Variants in DIPK1C observed in about 807,000 individuals in gnomAD.
DIPK1C encodes the protein divergent protein kinase domain 1C, also known as familial non-conventional Alzheimer's dementia.
A neutral mutation model predicts 28.0 loss-of-function variants in DIPK1C; 33 were observed. The observed-to-expected ratio is 1.18, with a 90% confidence interval of 0.89 to 1.58. The LOEUF is 1.58. DIPK1C is among the 40% of genes most tolerant of loss of function. The probability of loss-of-function intolerance (pLI) is 0.00; values close to 1 mark genes in which losing one functional copy is unlikely to be tolerated. For synonymous variants in DIPK1C, 255 were observed against 248.8 expected (o/e 1.02, Z -0.23); for missense variants, 569 against 568.5 (o/e 1.00, Z -0.01).
chr18:74,448,119 C>T (rs982818397), intron 1 of DIPK1C, among the ~76,000 whole-genome samples: 5 of 152,124 alleles, frequency 3.3e-5, no homozygotes, highest in Admixed American at 6.5e-5. Context: ...CCGTCCAGCC[C>T]GATAATCCTG....
intron 3 of DIPK1C, among the ~76,000 whole-genome samples, chr18:74,439,114 TTG>T (rs908604005): frequency 2.4e-5 from 3 of 125,306 alleles, no homozygotes; most frequent in African/African-American, 5.4e-5. Context: ...TTTTTGTTTT[TTG>T]TTTTTTTTTT....
Position 74,446,963 on chromosome 18 carries a change from C to G in DIPK1C, c.519G>C (p.Pro173=). The G allele has an allele frequency of 6.6e-7, 1 of 1,508,038 alleles. No homozygotes were observed. The highest frequency in any genetic ancestry group is 1.3e-5 in the South Asian group (1 of 77,822). The allele number at this position is 1,508,038 out of a possible 1,614,324, so 93.4% of individuals were successfully genotyped here. A position where few individuals can be genotyped will look rare whatever the true frequency, so the allele number is the denominator to read the frequency against. The part of the protein sequence containing the change: ...LSNSSLGPWW[P]GRRGPRWRGQ... ...CCCGCCAGCGTGGGCCCCGCCTGCC[C>G]GGCCACCACGGCCCCAGGCTGCTGT... Residue 173 remains proline, a synonymous_variant, in exon 2 of 4, where the codon CCG becomes CCC. Transcript: ENST00000343998.
chr18:74,449,138 C>T (rs7241762), intron 1 of DIPK1C, among the ~76,000 whole-genome samples: 59,393 of 151,920 alleles, frequency 0.39, 12,124 homozygotes, highest in Non-Finnish European at 0.46. Flanking sequence ...CAAAAAGCCT[C>T]TGAAAACTAC....
rs1286148600 is a variant in DIPK1C, at chr18:74,435,274, AG to A, written c.*1226del. The A allele has an allele frequency of 6.6e-6, 1 of 152,224 alleles. No individual in the cohort carries two copies. Among genetic ancestry groups the A allele is most frequent in the Non-Finnish European group, 1.5e-5 (1 of 68,034 alleles). The allele number at this position is 152,224 out of a possible 1,614,324, so 9.4% of individuals were successfully genotyped here. A position where few individuals can be genotyped will look rare whatever the true frequency, so the allele number is the denominator to read the frequency against. ...TTCCCTTTTCATGGGATTTCTGAAA[AG>A]GGGTGACCCGTTGGTTTGTTGAGCA... On this transcript the variant is annotated 3_prime_UTR_variant, in exon 4 of 4. Coordinates refer to ENST00000343998, the MANE Select transcript of DIPK1C (RefSeq NM_001044369.3).
intron 2 of DIPK1C, 122 bp downstream of exon 2, chr18:74,446,484 G>T: frequency 1.0e-6 from 1 of 955,130 alleles, no homozygotes; most frequent in Non-Finnish European, 1.4e-6. Context: ...GTTCTCTAAG[G>T]CTGCAGAAGC....
chr18:74,437,290 CA>C (rs1265484991), intron 3 of DIPK1C, among the ~76,000 whole-genome samples: 5 of 152,192 alleles, frequency 3.3e-5, no homozygotes, highest in African/African-American at 1.2e-4. Flanking sequence ...GCATATTTGA[CA>C]GAAAAGACTG....
chr18:74,437,159 G>A (rs1482087117), intron 3 of DIPK1C, among the ~76,000 whole-genome samples: 1 of 152,156 alleles, frequency 6.6e-6, no homozygotes. Flanking sequence ...TCCACAAGCT[G>A]GTCCTAGTGA....
the DIPK1C span, among the ~76,000 whole-genome samples, chr18:74,463,591 C>A: frequency 6.6e-6 from 1 of 152,112 alleles, no homozygotes; most frequent in African/African-American, 2.4e-5. Flanking sequence ...CCCTCACCCC[C>A]ACGTACCCGG....
At chr18:74,458,603 G>GGGGTTTGGGTGTCACTCAATCCACAGCA (rs1986568803), upstream of DIPK1C, among the ~76,000 whole-genome samples, 2 of 132,548 alleles carry the variant, frequency 1.5e-5, no homozygotes, top group South Asian at 2.7e-4. Context: ...ACAGACCCTT[G>GGGGTTTGGGTGTCACTCAATCCACAGCA]GGGTTTGGGT....
At position 74,447,935 on chromosome 18, in the gene DIPK1C, G is replaced by A. The variant is rs905324310; in HGVS notation, c.199-652C>T. 1.3e-5 allele frequency among the ~76,000 whole-genome samples: 2 copies of A among 152,208 alleles called. No individual in the cohort carries two copies. Among genetic ancestry groups the A allele is most frequent in the African/African-American group, 4.8e-5 (2 of 41,460 alleles). On this transcript the variant is annotated intron_variant, in intron 1 of 3. Coordinates refer to ENST00000343998, the MANE Select transcript of DIPK1C (RefSeq NM_001044369.3). This position sits in a 1 kb window ranked among gnomAD's most constrained non-coding sequence, Gnocchi z 4.1. ...TGACCTGGAGAAGAGGAGGGACCAA[G>A]GAGGACCCATGCAGGATAAAAGAGT...
the DIPK1C span, among the ~76,000 whole-genome samples, chr18:74,464,475 C>T: frequency 1.3e-5 from 2 of 152,248 alleles, no homozygotes; most frequent in Admixed American, 1.3e-4. Flanking sequence ...TCAACATCTC[C>T]CACCAGAGTG....
Position 74,446,955 on chromosome 18 carries a change from C to A in DIPK1C, c.527G>T (p.Arg176Leu), listed in dbSNP as rs887556442. Residue 176 changes from arginine to leucine, a missense_variant, in exon 2 of 4, where the codon CGG (arginine) becomes CTG (leucine). Physicochemically the swap from Arg to Leu is moderately radical, Grantham distance 102. Transcript: ENST00000343998. ...CAGCTGTCCCCGCCAGCGTGGGCCC[C>A]GCCTGCCCGGCCACCACGGCCCCAG... ...SSLGPWWPGR[R>L]GPRWRGQLAS... 2 of 1,506,508 alleles carry A rather than the reference C, an allele frequency of 1.3e-6. No individual in the cohort carries two copies. Among genetic ancestry groups the A allele is most frequent in the Admixed American group, 4.3e-5 (2 of 47,012 alleles). The allele number at this position is 1,506,508 out of a possible 1,614,324, so 93.3% of individuals were successfully genotyped here. A position where few individuals can be genotyped will look rare whatever the true frequency, so the allele number is the denominator to read the frequency against.
intron 1 of DIPK1C, among the ~76,000 whole-genome samples, chr18:74,452,292 T>A (rs1986415932): frequency 6.6e-6 from 1 of 152,152 alleles, no homozygotes; most frequent in African/African-American, 2.4e-5. Context: ...ACTCTTCTTA[T>A]GTAGAGTGCA....
At chr18:74,452,675 G>C (rs921516899) in intron 1 of DIPK1C, among the ~76,000 whole-genome samples, 5 of 152,112 alleles carry the variant, frequency 3.3e-5, no homozygotes, top group Non-Finnish European at 7.4e-5. Flanking sequence ...TTGAGGCTGG[G>C]AGGTAGAGGC....
chr18:74,462,660 T>C (rs1367324308), upstream of DIPK1C, among the ~76,000 whole-genome samples: 1 of 150,798 alleles, frequency 6.6e-6, no homozygotes, highest in East Asian at 1.9e-4. Flanking sequence ...ACATATATGT[T>C]TTGCTTAAAA....
chr18:74,446,303 G>C (rs1210889779), intron 2 of DIPK1C, among the ~76,000 whole-genome samples: 1 of 152,194 alleles, frequency 6.6e-6, no homozygotes, highest in African/African-American at 2.4e-5. Flanking sequence ...TTGCTGTTAC[G>C]TGAGCTCAAA....
intron 1 of DIPK1C, among the ~76,000 whole-genome samples, chr18:74,450,302 TTA>T (rs1986370790): frequency 6.6e-6 from 1 of 152,352 alleles, no homozygotes; most frequent in African/African-American, 2.4e-5. Flanking sequence ...CCATAAAATT[TTA>T]TAGTGTTATC....
At position 74,457,148 on chromosome 18, in the gene DIPK1C, C is replaced by A. The variant is rs1461694393; in HGVS notation, c.112G>T (p.Ala38Ser). 3.9e-5 allele frequency: 55 copies of A among 1,407,180 alleles called. No homozygotes were observed. The highest frequency in any genetic ancestry group is 5.1e-5 in the Non-Finnish European group (55 of 1,084,544). The allele number at this position is 1,407,180 out of a possible 1,614,324, so 87.2% of individuals were successfully genotyped here. A position where few individuals can be genotyped will look rare whatever the true frequency, so the allele number is the denominator to read the frequency against. ...FAAWTAGWVL[A>S]AALLLRAHPG... ...TGCGCGCGGAGCAGCAGCGCGGCCG[C>A]CAGCACCCAGCCCGCGGTCCACGCG... The change falls in exon 1 of 4, where the codon GCG becomes TCG. Residue 38 changes from alanine to serine, a missense_variant. Transcript: ENST00000343998.
At chr18:74,450,540 A>G (rs1314173845) in intron 1 of DIPK1C, among the ~76,000 whole-genome samples, 1 of 152,202 alleles carries the variant, frequency 6.6e-6, no homozygotes, top group African/African-American at 2.4e-5. Flanking sequence ...CTGGTTTTCC[A>G]TTAGCCTGTG....
Sources: allele counts gnomAD v4.1 joint callset (sites outside exome capture counted in the v4.1 genomes callset), GRCh38; gene constraint gnomAD v4.1.1; non-coding constraint Gnocchi (gnomAD v3.1); transcripts MANE v1.5; gene names NCBI Gene and HGNC (gene_info 2026-07-23, HGNC 2026-07-21).